TSNARE1: variants seen among roughly 807,000 people sequenced by gnomAD.
TSNARE1 encodes t-SNARE domain-containing protein 1.
Under a neutral mutation model 62.0 loss-of-function variants are expected in TSNARE1, and 49 were observed. The observed-to-expected ratio is 0.79, with a 90% CI of 0.63 to 1.00. The LOEUF is 1.00. Among genes scored for constraint, TSNARE1 ranks in the 50% least tolerant of loss-of-function variants. The pLI is 0.00. For synonymous variants in TSNARE1, 328 were observed against 294.4 expected (o/e 1.11, Z -1.17); for missense variants, 755 against 700.1 (o/e 1.08, Z -0.88).
intron 13 of TSNARE1, among the ~76,000 whole-genome samples, chr8:142,222,908 C>CCACTCACTCACTTACTCATCCACT: frequency 6.9e-6 from 1 of 145,118 alleles, no homozygotes; most frequent in South Asian, 2.3e-4. Flanking sequence ...ACTTACTCAT[C>CCACTCACTCACTTACTCATCCACT]CACTCATTCA....
At chr8:142,298,773 TG>T (rs1278121676) in intron 10 of TSNARE1, among the ~76,000 whole-genome samples, 2 of 152,170 alleles carry the variant, frequency 1.3e-5, no homozygotes, top group Non-Finnish European at 2.9e-5. Flanking sequence ...GGGCTGTGAC[TG>T]GACCTTCCCA....
intron 12 of TSNARE1, among the ~76,000 whole-genome samples, chr8:142,230,545 G>A (rs753497277): frequency 1.7e-4 from 26 of 152,234 alleles, no homozygotes; most frequent in South Asian, 4.2e-4. Context: ...CCAGACAGGC[G>A]GAAGACTAAC....
chr8:142,360,345 G>A (rs1835062595), intron 1 of TSNARE1, among the ~76,000 whole-genome samples: 1 of 152,182 alleles, frequency 6.6e-6, no homozygotes, highest in Admixed American at 6.5e-5. Context: ...GGCACTGGCT[G>A]AGCCACATGT....
At chr8:142,367,545 A>C (rs942648665) in intron 1 of TSNARE1, among the ~76,000 whole-genome samples, 4 of 152,192 alleles carry the variant, frequency 2.6e-5, no homozygotes, top group Admixed American at 6.5e-5. Flanking sequence ...GGGACTAGGG[A>C]GTGACTGCTA....
chr8:142,275,814 G>A, intron 11 of TSNARE1: 6 of 985,342 alleles, frequency 6.1e-6, no homozygotes, highest in Non-Finnish European at 7.2e-6. Flanking sequence ...GGGATAGAGA[G>A]GCCATTACAA....
At chr8:142,278,171 A>G (rs1820805264) in intron 11 of TSNARE1, 4 of 985,226 alleles carry the variant, frequency 4.1e-6, no homozygotes, top group Non-Finnish European at 4.8e-6. Flanking sequence ...CCATCGCCCA[A>G]GGCCCACAGC....
At chr8:142,382,315 A>C (rs1836825392) in intron 1 of TSNARE1, among the ~76,000 whole-genome samples, 1 of 152,178 alleles carries the variant, frequency 6.6e-6, no homozygotes, top group Non-Finnish European at 1.5e-5. Context: ...GCGGTGGAGA[A>C]GCACCGATCG....
At chr8:142,380,856 G>A (rs1250384762) in intron 1 of TSNARE1, among the ~76,000 whole-genome samples, 1 of 152,064 alleles carries the variant, frequency 6.6e-6, no homozygotes, top group African/African-American at 2.4e-5. Flanking sequence ...ACTATCTTAG[G>A]AAAGTGAGAT....
Position 142,367,435 on chromosome 8 carries a change from A to T in TSNARE1, c.-39-12672T>A, listed in dbSNP as rs1835633109. Among the ~76,000 whole-genome samples, 8 of 149,402 alleles carry T rather than the reference A, an allele frequency of 5.4e-5. No homozygotes were observed. In the Admixed American group the frequency reaches 5.4e-4, roughly 10 times the overall value. On this transcript the variant is annotated intron_variant, in intron 1 of 13. Coordinates refer to ENST00000524325, the MANE Select transcript of TSNARE1 (RefSeq NM_145003.5). ...AGGAGAGAGGAGCCAGACACCAAAG[A>T]CCACACATGTTTGATTCCACTGTCA...
Position 142,330,282 on chromosome 8 carries a change from C to G in TSNARE1, c.893+619G>C, listed in dbSNP as rs374036860. Among the ~76,000 whole-genome samples, 128 of 152,298 alleles carry G rather than the reference C, an allele frequency of 8.4e-4. 1 individual carries two copies. Among genetic ancestry groups the G allele is most frequent in the African/African-American group, 3.0e-3 (125 of 41,572 alleles). On this transcript the variant is annotated intron_variant, in intron 6 of 13. Coordinates refer to ENST00000524325, the MANE Select transcript of TSNARE1 (RefSeq NM_145003.5). ...CTAACCACACCCAGGGCAGGTGCTC[C>G]CTTCCCCCCGCTCCCCAGCCCAGCC...
chr8:142,286,842 C>T (rs1329582104), intron 10 of TSNARE1, among the ~76,000 whole-genome samples: 2 of 152,210 alleles, frequency 1.3e-5, no homozygotes, highest in East Asian at 3.9e-4. Context: ...AGGCCTGGTG[C>T]ACCCTGAGCC....
intron 2 of TSNARE1, among the ~76,000 whole-genome samples, chr8:142,353,307 TTG>T (rs1375393606): frequency 6.6e-6 from 1 of 152,042 alleles, no homozygotes; most frequent in Non-Finnish European, 1.5e-5. Context: ...CAGGACTCAC[TTG>T]TCTCTCTGCC....
intron 9 of TSNARE1, among the ~76,000 whole-genome samples, chr8:142,302,414 C>T (rs765150375): frequency 5.3e-5 from 8 of 152,138 alleles, no homozygotes; most frequent in Non-Finnish European, 1.0e-4. Context: ...CCCGATGCCT[C>T]GGGGCCTTCT....
chr8:142,269,585 T>C, intron 12 of TSNARE1: 1 of 984,750 alleles, frequency 1.0e-6, no homozygotes, highest in Non-Finnish European at 1.2e-6. Context: ...TGCCTCAGCC[T>C]CCCAAAGTGC....
chr8:142,308,290 C>T (rs1001981526), intron 9 of TSNARE1, among the ~76,000 whole-genome samples: 3 of 152,180 alleles, frequency 2.0e-5, no homozygotes, highest in Non-Finnish European at 2.9e-5. Flanking sequence ...ACCGTGAAGG[C>T]GTCGGGGAGC....
At chr8:142,298,823 T>C (rs1385045964) in intron 10 of TSNARE1, among the ~76,000 whole-genome samples, 1 of 152,178 alleles carries the variant, frequency 6.6e-6, no homozygotes, top group African/African-American at 2.4e-5. Context: ...AAGCGGTCCG[T>C]CTGCCTCTCT....
chr8:142,313,177 T>A (rs1164051584), intron 9 of TSNARE1, among the ~76,000 whole-genome samples: 12 of 152,254 alleles, frequency 7.9e-5, no homozygotes, highest in Admixed American at 6.5e-4. Flanking sequence ...TGTGTGTTTA[T>A]CTGCATGTCT....
chr8:142,379,838 A>ACCCAAAT (rs1353191160), intron 1 of TSNARE1, among the ~76,000 whole-genome samples: 2 of 152,084 alleles, frequency 1.3e-5, no homozygotes, highest in Non-Finnish European at 2.9e-5. Flanking sequence ...AGTGCCACCC[A>ACCCAAAT]CCCAAATCTG....
intron 13 of TSNARE1, among the ~76,000 whole-genome samples, chr8:142,219,613 C>T (rs1816108911): frequency 6.6e-6 from 1 of 152,234 alleles, no homozygotes; most frequent in South Asian, 2.1e-4. Flanking sequence ...AAGGTCGCAG[C>T]TGCCCACAGT....
Sources: allele counts gnomAD v4.1 joint callset (sites outside exome capture counted in the v4.1 genomes callset), GRCh38; gene constraint gnomAD v4.1.1; transcripts MANE v1.5; gene names NCBI Gene and HGNC (gene_info 2026-07-23, HGNC 2026-07-21).